MRC2: variants seen among roughly 807,000 people sequenced by gnomAD.
MRC2 encodes the protein C-type mannose receptor 2.
In MRC2, 84 loss-of-function variants were observed where a neutral mutation model predicts 206.2. That is an observed-to-expected ratio of 0.41 (90% CI 0.34 to 0.49). The LOEUF (loss-of-function observed/expected upper bound fraction) is 0.49, where lower values mean the gene tolerates loss of function less well. Ranked by LOEUF, MRC2 falls within the 20% of genes least tolerant of loss-of-function variation. The pLI is 0.31. For synonymous variants in MRC2, 798 were observed against 800.0 expected (o/e 1.00, Z 0.04); for missense variants, 1,676 against 2,001.5 (o/e 0.84, Z 3.10).
chr17:62,653,165 C>G (rs572072750), intron 1 of MRC2, among the ~76,000 whole-genome samples: 3 of 152,262 alleles, frequency 2.0e-5, no homozygotes, highest in South Asian at 2.1e-4. Context: ...GTAGCGCGGC[C>G]GCTCTCCAGT....
intron 20 of MRC2, among the ~76,000 whole-genome samples, chr17:62,686,693 G>A (rs540723333): frequency 2.0e-5 from 3 of 152,260 alleles, no homozygotes; most frequent in Admixed American, 6.5e-5. Flanking sequence ...CCTCAGTGTC[G>A]GCTGGACTGA....
At chr17:62,689,194 G>C (rs139191587) in intron 23 of MRC2, among the ~76,000 whole-genome samples, 1 of 152,176 alleles carries the variant, frequency 6.6e-6, no homozygotes, top group African/African-American at 2.4e-5. Flanking sequence ...AGAGCTAGAC[G>C]CTGGGCTGCA....
chr17:62,677,430 A>G lies in MRC2; in HGVS notation c.1996A>G (p.Thr666Ala). The G allele has an allele frequency of 1.2e-6, 2 of 1,611,826 alleles. No homozygotes were observed. The highest frequency in any genetic ancestry group is 8.5e-7 in the Non-Finnish European group (1 of 1,179,456). ...LPGPDPTPSL[T>A]GSCPQGWASD... ...GGGGCCAGATCCCACGCCCAGCCTC[A>G]CTGGCTCCTGTCCCCAGGGCTGGGC... is the stretch of plus-strand genomic sequence containing the variant. The change falls in exon 12 of 30, where the codon ACT becomes GCT. Residue 666 changes from threonine to alanine, a missense_variant. Coordinates refer to ENST00000303375, the MANE Select transcript of MRC2 (RefSeq NM_006039.5).
intron 28 of MRC2, among the ~76,000 whole-genome samples, chr17:62,691,661 C>T (rs2089113137): frequency 6.6e-6 from 1 of 150,646 alleles, no homozygotes; most frequent in African/African-American, 2.4e-5. Context: ...GTCCCAGCTA[C>T]TTAGGAGGCT....
chr17:62,636,877 G>T (rs940864821), intron 1 of MRC2, among the ~76,000 whole-genome samples: 11 of 152,094 alleles, frequency 7.2e-5, no homozygotes, highest in African/African-American at 2.7e-4. Context: ...AAAGTGCTGG[G>T]ATTACAGGCA....
Position 62,689,066 on chromosome 17 carries a change from C to T in MRC2, c.3334+106C>T. 6.6e-6 allele frequency: 6 copies of T among 915,550 alleles called. No homozygotes were observed. The South Asian group carries it at 9.1e-5, about 14-fold the overall frequency. The allele number at this position is 915,550 out of a possible 1,614,324, so 56.7% of individuals were successfully genotyped here. On this transcript the variant is annotated intron_variant, in intron 23 of 29. Transcript: ENST00000303375. ...AATCATGGTCCCTGGCAGAGCAGGG[C>T]TCTGCTTGGGAAGCAGATGGGCAGA... is the stretch of plus-strand genomic sequence containing the variant.
Position 62,664,485 on chromosome 17 carries a change from C to T in MRC2, c.119-63C>T, listed in dbSNP as rs1479087307. 42 of 1,531,288 alleles carry T rather than the reference C, an allele frequency of 2.7e-5. 1 individual carries two copies. The highest frequency in any genetic ancestry group is 2.1e-4 in the South Asian group (17 of 79,632). The allele number at this position is 1,531,288 out of a possible 1,614,324, so 94.9% of individuals were successfully genotyped here. On this transcript the variant is annotated intron_variant, in intron 1 of 29. Transcript: ENST00000303375. This position sits in a 1 kb window ranked among gnomAD's most constrained non-coding sequence, Gnocchi z 4.7. The stretch of plus-strand genomic sequence containing the variant: ...CATGGTAGGTGCCTGTCAGCCACAC[C>T]GGTCATCAAGGGCCAACCAGGAGAG...
At chr17:62,686,389 G>A (rs757879565) in intron 20 of MRC2, among the ~76,000 whole-genome samples, 7 of 152,092 alleles carry the variant, frequency 4.6e-5, no homozygotes, top group African/African-American at 7.2e-5. Context: ...GGAGGCGGAG[G>A]TTGCAGTGAG....
At position 62,675,634 on chromosome 17, in the gene MRC2, G is replaced by A. The variant is rs1183295021; in HGVS notation, c.1570-156G>A. 3.3e-5 allele frequency among the ~76,000 whole-genome samples: 5 copies of A among 152,324 alleles called. No homozygotes were observed. Among genetic ancestry groups the A allele is most frequent in the East Asian group, 3.9e-4 (2 of 5,178 alleles). On this transcript the variant is annotated intron_variant, in intron 9 of 29. Coordinates refer to ENST00000303375, the MANE Select transcript of MRC2 (RefSeq NM_006039.5). This position sits in a 1 kb window ranked among gnomAD's most constrained non-coding sequence, Gnocchi z 4.1. Reference sequence around the variant, plus strand: ...TGGTGGAGGGGGAATGTGGAGAAACGAGGTGCAGAACACAGCCCAGTACTC... The same window carrying A: ...TGGTGGAGGGGGAATGTGGAGAAACAAGGTGCAGAACACAGCCCAGTACTC...
At position 62,671,072 on chromosome 17, in the gene MRC2, T is replaced by C. The variant is rs2088820429; in HGVS notation, c.1118-577T>C. On this transcript the variant is annotated intron_variant, in intron 6 of 29. Transcript: ENST00000303375. The surrounding 1 kb of genome is among the most constrained non-coding windows in gnomAD (Gnocchi z 4.5). ...TTTCTACCCATCGTTTATTGACTGA[T>C]TGATTGATGCATTGATTGAGATAAG... 1.3e-5 allele frequency among the ~76,000 whole-genome samples: 2 copies of C among 152,106 alleles called. No individual in the cohort carries two copies. The highest frequency in any genetic ancestry group is 3.9e-4 in the East Asian group (2 of 5,184).
At chr17:62,646,355 T>C (rs994445726) in intron 1 of MRC2, among the ~76,000 whole-genome samples, 1 of 152,072 alleles carries the variant, frequency 6.6e-6, no homozygotes, top group African/African-American at 2.4e-5. Flanking sequence ...AGACAGGGTC[T>C]CATTATGTTG....
In MRC2 at chr17:62,692,226, G is replaced by T; in HGVS notation, c.4220-5G>T. On this transcript the variant is annotated splice_region_variant and splice_polypyrimidine_tract_variant and intron_variant, in intron 29 of 29. Coordinates refer to ENST00000303375, the MANE Select transcript of MRC2 (RefSeq NM_006039.5). This position sits in a 1 kb window ranked among gnomAD's most constrained non-coding sequence, Gnocchi z 4.2. ...TTGGCCTTTCACGCCCACTCGCCTT[G>T]GCAGCGCTTCCAGAGAACCCAGCGG... The T allele has an allele frequency of 6.2e-7, 1 of 1,612,330 alleles. No homozygotes were observed. Among genetic ancestry groups the T allele is most frequent in the Non-Finnish European group, 8.5e-7 (1 of 1,178,958 alleles).
At chr17:62,659,906 C>G (rs932171251) in intron 1 of MRC2, among the ~76,000 whole-genome samples, 40 of 152,200 alleles carry the variant, frequency 2.6e-4, no homozygotes, top group African/African-American at 9.4e-4. Context: ...TTCGTTCATT[C>G]ATGCATGTGT....
Position 62,688,935 on chromosome 17 carries a change from T to C in MRC2, c.3309T>C (p.His1103=). 2 of 1,613,754 alleles carry C rather than the reference T, an allele frequency of 1.2e-6. No homozygotes were observed. The highest frequency in any genetic ancestry group is 1.3e-5 in the African/African-American group (1 of 75,042). ...ATCGGAGCTGCACGGAGGAGACCCATGGCTTCATCTGCCAGAAGGGCACGG... is the reference window on the plus strand; with the variant it reads ...ATCGGAGCTGCACGGAGGAGACCCACGGCTTCATCTGCCAGAAGGGCACGG... ...WDDRSCTEET[H]GFICQKGTDP... Residue 1103 remains histidine, a synonymous_variant, in exon 23 of 30, where the codon CAT becomes CAC. Coordinates refer to ENST00000303375, the MANE Select transcript of MRC2 (RefSeq NM_006039.5).
At position 62,676,394 on chromosome 17, in the gene MRC2, C is replaced by G. The variant is rs202139474; in HGVS notation, c.1697C>G (p.Ala566Gly). Reference sequence around the variant, plus strand: ...CCTGTCTCCTGAAGGTTCGAGCAGGCCTTCGTCAGCAGCCTCATCTACAAC... The same window carrying G: ...CCTGTCTCCTGAAGGTTCGAGCAGGGCTTCGTCAGCAGCCTCATCTACAAC... ...LVTITNRFEQ[A>G]FVSSLIYNWE... Residue 566 changes from alanine (A) to glycine (G), a missense_variant, in exon 11 of 30, where the codon GCC (alanine) becomes GGC (glycine). By Grantham distance (60) the Ala-to-Gly change is moderately conservative. Around this residue, in one of 3 missense-constraint regions of MRC2, gnomAD observed 1,354 missense variants for 1,636.6 expected, o/e 0.83. Transcript: ENST00000303375. The G allele has an allele frequency of 1.2e-6, 2 of 1,613,956 alleles. No individual in the cohort carries two copies. The highest frequency in any genetic ancestry group is 4.5e-5 in the East Asian group (2 of 44,864).
chr17:62,670,339 C>G (rs574647833), intron 6 of MRC2, among the ~76,000 whole-genome samples: 1 of 152,370 alleles, frequency 6.6e-6, no homozygotes, highest in Non-Finnish European at 1.5e-5. Context: ...GCGGCAGCCT[C>G]AGGTCTTAGC....
rs747615531 is a variant in MRC2 at position 62,676,539 on chromosome 17, C to G, written c.1834+8C>G. The G allele has an allele frequency of 6.4e-7, 1 of 1,574,070 alleles. No homozygotes were observed. Among genetic ancestry groups the G allele is most frequent in the African/African-American group, 1.4e-5 (1 of 73,922 alleles). On this transcript the variant is annotated splice_region_variant and intron_variant, in intron 11 of 29. Transcript: ENST00000303375. ...GGAACCGGGACCAGCCCGGTGAGCCCCTTATTTGACTTGCCTTGGTGAAGC... is the reference window on the plus strand; with the variant it reads ...GGAACCGGGACCAGCCCGGTGAGCCGCTTATTTGACTTGCCTTGGTGAAGC...
chr17:62,630,250 C>T (rs548941739), intron 1 of MRC2, among the ~76,000 whole-genome samples: 13 of 152,314 alleles, frequency 8.5e-5, no homozygotes, highest in South Asian at 8.3e-4. Context: ...CCCAGACCCA[C>T]GCTCAACCCT....
chr17:62,664,770 G>A lies in MRC2; in HGVS notation c.341G>A (p.Arg114Gln), dbSNP rs144985234. ...TCCCTGGGCATGTATGAGTGTGACC[G>A]GGAAGCACTGAATCTTCGCTGGCAT... ...TASLGMYECD[R>Q]EALNLRWHCR... The change falls in exon 2 of 30, where the codon CGG (arginine) becomes CAG (glutamine). Residue 114 changes from arginine to glutamine, a missense_variant. Transcript: ENST00000303375. This position sits in a 1 kb window ranked among gnomAD's most constrained non-coding sequence, Gnocchi z 4.7. The A allele has an allele frequency of 3.3e-4, 537 of 1,614,000 alleles. No homozygotes were observed. Among genetic ancestry groups the A allele is most frequent in the Non-Finnish European group, 4.3e-4 (503 of 1,180,038 alleles).
Sources: allele counts gnomAD v4.1 joint callset (sites outside exome capture counted in the v4.1 genomes callset), GRCh38; gene constraint gnomAD v4.1.1; regional missense constraint gnomAD v4.1.1; non-coding constraint Gnocchi (gnomAD v3.1); transcripts MANE v1.5; gene names NCBI Gene and HGNC (gene_info 2026-07-23, HGNC 2026-07-21).